The following TMED6 variants were observed in gnomAD, a reference collection of about 807,000 sequenced individuals.
The protein encoded by TMED6 is transmembrane p24 trafficking protein 6, also known as transmembrane emp24 domain-containing protein 6.
In TMED6, 17 loss-of-function variants were observed where a neutral mutation model predicts 26.5. The ratio of observed to expected loss-of-function variants is 0.64; its 90% CI spans 0.44 to 0.96. The LOEUF (loss-of-function observed/expected upper bound fraction) is 0.96, where lower values mean the gene tolerates loss of function less well. Ranked by LOEUF, TMED6 falls within the 40% of genes least tolerant of loss-of-function variation. TMED6 has a pLI of 0.00. For missense variants in TMED6, 309 were observed against 296.5 expected (o/e 1.04, Z -0.31); for synonymous variants, 107 against 106.2 (o/e 1.01, Z -0.04).
In TMED6 at chr16:69,343,342, A is replaced by G. The variant is rs1186209192; in HGVS notation, c.*65T>C. ...TGAGATAATTGATTTTTGTCCCATAACATTACAAAGCTGATTCGACTAAGC... is the reference window on the plus strand; with the variant it reads ...TGAGATAATTGATTTTTGTCCCATAGCATTACAAAGCTGATTCGACTAAGC... On this transcript the variant is annotated 3_prime_UTR_variant, in exon 4 of 4. Transcript: ENST00000288025. The G allele has an allele frequency of 1.6e-5, 23 of 1,406,036 alleles. No individual in the cohort carries two copies. The South Asian group carries it at 1.8e-4, about 11-fold the overall frequency. The allele number at this position is 1,406,036 out of a possible 1,614,324, so 87.1% of individuals were successfully genotyped here.
intron 1 of TMED6, among the ~76,000 whole-genome samples, chr16:69,350,306 A>C (rs1225008707): frequency 6.7e-6 from 1 of 150,316 alleles, no homozygotes; most frequent in African/African-American, 2.4e-5. Flanking sequence ...CTGGCTGTAG[A>C]ATTTTTTATT....
chr16:69,344,083 C>T (rs939647570), intron 3 of TMED6, among the ~76,000 whole-genome samples: 5 of 152,070 alleles, frequency 3.3e-5, no homozygotes, highest in Admixed American at 6.6e-5. Context: ...TCCACCCACA[C>T]TGGCCTCCCA....
At chr16:69,346,659 G>T (rs2142680705) in intron 3 of TMED6, among the ~76,000 whole-genome samples, 1 of 152,072 alleles carries the variant, frequency 6.6e-6, no homozygotes, top group African/African-American at 2.4e-5. Flanking sequence ...AGCTACTTGG[G>T]AGGAGGAGAA....
At chr16:69,346,594 T>A (rs1307332684) in intron 3 of TMED6, among the ~76,000 whole-genome samples, 6 of 152,116 alleles carry the variant, frequency 3.9e-5, no homozygotes, top group African/African-American at 1.4e-4. Context: ...TGAAACCCTG[T>A]CTCTACTAAA....
In TMED6 at chr16:69,349,573, T is replaced by C. The variant is rs1433717544; in HGVS notation, c.292A>G (p.Thr98Ala). The change falls in exon 2 of 4, where the codon ACC (threonine) becomes GCC (alanine). Residue 98 changes from threonine to alanine, a missense_variant. Coordinates refer to ENST00000288025, the MANE Select transcript of TMED6 (RefSeq NM_144676.4). ...ATCTGGCCCCGAACACCCTGGGAGG[T>C]GTCTATGAGAAATCCCTGTGGGTTA... ...AHNPQGFLID[T>A]SQGVRGQINF... 24 of 1,613,394 alleles carry C rather than the reference T, an allele frequency of 1.5e-5. No homozygotes were observed. Among genetic ancestry groups the C allele is most frequent in the Non-Finnish European group, 2.0e-5 (24 of 1,179,894 alleles).
rs555827652 is a variant in TMED6 at position 69,344,701 on chromosome 16, A to G, written c.490-1061T>C. Among the ~76,000 whole-genome samples, 540 of 150,460 alleles carry G rather than the reference A, an allele frequency of 3.6e-3. 6 individuals are homozygous for G. The highest frequency in any genetic ancestry group is 0.012 in the African/African-American group (508 of 40,826). ...GGCAGGAGAACTGCTTGAGCCCGGG[A>G]GGCAGAGGTTGCAGGGAGCTGAGAT... On this transcript the variant is annotated intron_variant, in intron 3 of 3. Coordinates refer to ENST00000288025, the MANE Select transcript of TMED6 (RefSeq NM_144676.4).
intron 3 of TMED6, among the ~76,000 whole-genome samples, chr16:69,345,134 G>A (rs2142679099): frequency 6.6e-6 from 1 of 151,742 alleles, no homozygotes; most frequent in African/African-American, 2.4e-5. Context: ...AAAGTTAGCT[G>A]GGCATTGTGG....
intron 3 of TMED6, among the ~76,000 whole-genome samples, chr16:69,346,038 C>G (rs1174434080): frequency 6.6e-6 from 1 of 152,160 alleles, no homozygotes; most frequent in Non-Finnish European, 1.5e-5. Flanking sequence ...GGCCAATACG[C>G]ACGTGAAAAG....
chr16:69,344,019 G>A (rs1026695461), intron 3 of TMED6, among the ~76,000 whole-genome samples: 1 of 151,322 alleles, frequency 6.6e-6, no homozygotes, highest in Non-Finnish European at 1.5e-5. Context: ...TTATTGTAGA[G>A]ACAGGGTTTT....
At chr16:69,345,050 C>T (rs1219432898) in intron 3 of TMED6, among the ~76,000 whole-genome samples, 1 of 152,140 alleles carries the variant, frequency 6.6e-6, no homozygotes, top group Non-Finnish European at 1.5e-5. Context: ...AATTGTGCCA[C>T]TGCATTCCAG....
chr16:69,343,479 G>T lies in TMED6; in HGVS notation c.651C>A (p.Ile217=). The change falls in exon 4 of 4, where the codon ATC becomes ATA. Residue 217 remains isoleucine (I), a synonymous_variant. Coordinates refer to ENST00000288025, the MANE Select transcript of TMED6 (RefSeq NM_144676.4). ...GACGCTTCAAGAAATACAGTTGCAG[G>T]ATCCCAGAAAGAATAATAACAAGGC... ...AQSLVIILSG[I]LQLYFLKRLF... is the part of the protein sequence containing the mutation. 6.2e-7 allele frequency: 1 copy of T among 1,614,134 alleles called. No homozygotes were observed. Among genetic ancestry groups the T allele is most frequent in the South Asian group, 1.1e-5 (1 of 91,066 alleles).
intron 1 of TMED6, among the ~76,000 whole-genome samples, chr16:69,351,283 TC>T (rs1298323804): frequency 6.6e-6 from 1 of 152,206 alleles, no homozygotes; most frequent in Non-Finnish European, 1.5e-5. Context: ...GATTACCTCT[TC>T]AGGGAGAGGC....
At chr16:69,351,478 G>A (rs534251691) in intron 1 of TMED6, 63 bp downstream of exon 1, 2,430 of 1,521,670 alleles carry the variant, frequency 1.6e-3, no homozygotes, top group Admixed American at 2.7e-3. Flanking sequence ...CCTAAAACCT[G>A]ACCCACTTTA....
chr16:69,347,919 G>A lies in TMED6; in HGVS notation c.358C>T (p.Leu120=). The A allele has an allele frequency of 6.2e-7, 1 of 1,614,014 alleles. No homozygotes were observed. Among genetic ancestry groups the A allele is most frequent in the Non-Finnish European group, 8.5e-7 (1 of 1,179,962 alleles). ...CCGAAGTGATTATGCTGATTACTTAGACAAAGCTGATAAAAACCTGTAGGA... is the reference window on the plus strand; with the variant it reads ...CCGAAGTGATTATGCTGATTACTTAAACAAAGCTGATAAAAACCTGTAGGA... ...TQETGFYQLC[L]SNQHNHFGSV... Residue 120 remains leucine, a synonymous_variant, in exon 3 of 4, where the codon CTA becomes TTA. Coordinates refer to ENST00000288025, the MANE Select transcript of TMED6 (RefSeq NM_144676.4).
intron 3 of TMED6, among the ~76,000 whole-genome samples, chr16:69,346,867 AC>A (rs2012694556): frequency 6.6e-6 from 1 of 152,126 alleles, no homozygotes; most frequent in Non-Finnish European, 1.5e-5. Context: ...TAATCTCGGC[AC>A]AGTAGCTCAT....
At position 69,343,649 on chromosome 16, in the gene TMED6, GA is replaced by G. The variant is rs754897402; in HGVS notation, c.490-10del. 11 of 1,608,138 alleles carry G rather than the reference GA, an allele frequency of 6.8e-6. No homozygotes were observed. In the Admixed American group the frequency reaches 1.7e-4, roughly 24 times the overall value. ...ACCTTTTGTGTGCCGTCCTATGAGA[GA>G]GACAATTTTAAGGGGGATTCTTCCA... On this transcript the variant is annotated splice_polypyrimidine_tract_variant and intron_variant, in intron 3 of 3. Transcript: ENST00000288025.
At chr16:69,348,097 T>C in intron 2 of TMED6, 161 bp from the exon 3 acceptor site, 1 of 709,504 alleles carries the variant, frequency 1.4e-6, no homozygotes, top group Admixed American at 2.7e-5. Flanking sequence ...ACACGGACCT[T>C]ATGTTAAACT....
Position 69,349,527 on chromosome 16 carries a change from G to T in TMED6, c.338C>A (p.Thr113Lys). The stretch of plus-strand genomic sequence containing the variant: ...TAGCCATGGTAATGAAAACAGACCT[G>T]TCTCTTGGGTAGAGAAGTTAATCTG... Reference protein sequence around the residue: ...RGQINFSTQETGFYQLCLSNQ... With the variant: ...RGQINFSTQEKGFYQLCLSNQ... The change falls in exon 2 of 4, where the codon ACA (threonine) becomes AAA (lysine). Residue 113 changes from threonine to lysine, a missense_variant and splice_region_variant. By Grantham distance (78) the Thr-to-Lys change is moderately conservative. Coordinates refer to ENST00000288025, the MANE Select transcript of TMED6 (RefSeq NM_144676.4). The T allele has an allele frequency of 6.2e-7, 1 of 1,613,462 alleles. No homozygotes were observed. The highest frequency in any genetic ancestry group is 1.1e-5 in the South Asian group (1 of 91,058).
At chr16:69,350,715 T>G (rs1401388770) in intron 1 of TMED6, among the ~76,000 whole-genome samples, 1 of 152,182 alleles carries the variant, frequency 6.6e-6, no homozygotes, top group Non-Finnish European at 1.5e-5. Context: ...CATGGACACT[T>G]GCTCCCAAGC....
Sources: gnomAD v4.1 joint callset for allele counts (sites outside exome capture counted in the v4.1 genomes callset) on GRCh38, gnomAD v4.1.1 for gene constraint, MANE v1.5 for transcripts, NCBI Gene and HGNC (gene_info 2026-07-23, HGNC 2026-07-21) for gene names.